The following MYO10 variants were observed in gnomAD, a reference collection of about 807,000 sequenced individuals.
MYO10 encodes the protein unconventional myosin-X.
Under a neutral mutation model 257.3 loss-of-function variants are expected in MYO10, and 133 were observed. The observed-to-expected ratio is 0.52, with a 90% CI of 0.45 to 0.60. MYO10 has a LOEUF of 0.60. MYO10 is among the 20% of genes least tolerant of loss of function. The pLI is 0.00. For missense variants in MYO10, 2,399 were observed against 2,635.7 expected, an observed-to-expected ratio of 0.91 and a Z score of 1.97; for synonymous variants, 1,104 against 1,028.6, an observed-to-expected ratio of 1.07 and a Z score of -1.40.
intron 33 of MYO10, among the ~76,000 whole-genome samples, chr5:16,677,896 G>C (rs570273768): frequency 6.6e-6 from 1 of 152,122 alleles, no homozygotes; most frequent in Admixed American, 6.6e-5. Flanking sequence ...AAGTAGCTGG[G>C]ACTACAGGCA....
Position 16,694,550 on chromosome 5 carries a change from G to A in MYO10, c.3621C>T (p.Phe1207=). 5.6e-6 allele frequency: 9 copies of A among 1,613,986 alleles called. No individual in the cohort carries two copies. Among genetic ancestry groups the A allele is most frequent in the African/African-American group, 1.3e-5 (1 of 75,046 alleles). Residue 1207 remains phenylalanine, a synonymous_variant, in exon 27 of 41, where the codon TTC becomes TTT. Transcript: ENST00000513610. The part of the protein sequence containing the change: ...CVLKDETFLW[F]RSKQEALKQG... ...GCTTGAGGGCCTCCTGCTTGGAGCG[G>A]AACCACAAGAAGGTTTCATCCTTGA...
chr5:16,883,162 G>T (rs1026074355), intron 1 of MYO10, among the ~76,000 whole-genome samples: 1 of 151,978 alleles, frequency 6.6e-6, no homozygotes, highest in Non-Finnish European at 1.5e-5. Context: ...TGATCCACCC[G>T]CCTCGGCCTC....
chr5:16,851,958 G>A (rs1045726428), intron 2 of MYO10, among the ~76,000 whole-genome samples: 1 of 147,282 alleles, frequency 6.8e-6, no homozygotes, highest in African/African-American at 2.5e-5. Flanking sequence ...GGCTGAGACG[G>A]AAGAATCGCT....
chr5:16,778,723 C>T (rs1222738597), intron 9 of MYO10, among the ~76,000 whole-genome samples: 1 of 133,316 alleles, frequency 7.5e-6, no homozygotes, highest in African/African-American at 2.9e-5. Context: ...GACGGAGTCT[C>T]GCTGTCTCCC....
chr5:16,886,757 C>T (rs1744908210), intron 1 of MYO10, among the ~76,000 whole-genome samples: 1 of 151,918 alleles, frequency 6.6e-6, no homozygotes. Context: ...CATGGTGAAA[C>T]CCCGCCTCTA....
intron 1 of MYO10, among the ~76,000 whole-genome samples, chr5:16,881,977 A>G (rs1744766016): frequency 6.6e-6 from 1 of 152,238 alleles, no homozygotes; most frequent in Non-Finnish European, 1.5e-5. Flanking sequence ...CTTTATAAGC[A>G]GGTGGAACAA....
chr5:16,794,708 G>A lies in MYO10; in HGVS notation c.405C>T (p.Ala135=), dbSNP rs1329691874. The change falls in exon 4 of 41, where the codon GCC becomes GCT. Residue 135 remains alanine, a synonymous_variant. Coordinates refer to ENST00000513610, the MANE Select transcript of MYO10 (RefSeq NM_012334.3). ...GGCAGCGGTAGCACTCGTTGGCGAT[G>A]GCGAAGATGTGCGGGGGCAGCTCGC... ...HLGELPPHIF[A]IANECYRCLW... is the part of the protein sequence containing the mutation. 1.9e-6 allele frequency: 3 copies of A among 1,613,586 alleles called. No individual in the cohort carries two copies. Among genetic ancestry groups the A allele is most frequent in the Non-Finnish European group, 2.5e-6 (3 of 1,179,798 alleles).
chr5:16,765,806 A>AG (rs1740845140), intron 11 of MYO10, among the ~76,000 whole-genome samples: 1 of 152,218 alleles, frequency 6.6e-6, no homozygotes, highest in African/African-American at 2.4e-5. Context: ...AGTAAGTAGA[A>AG]GGGTCAAGTT....
At chr5:16,736,143 C>G (rs1165902561) in intron 19 of MYO10, among the ~76,000 whole-genome samples, 1 of 152,204 alleles carries the variant, frequency 6.6e-6, no homozygotes, top group Non-Finnish European at 1.5e-5. Flanking sequence ...CCCAACCTGC[C>G]TTCTCTATCA....
chr5:16,758,829 A>G (rs1740609747), intron 17 of MYO10, among the ~76,000 whole-genome samples: 2 of 152,318 alleles, frequency 1.3e-5, no homozygotes, highest in South Asian at 4.1e-4. Context: ...AAAGCATGCT[A>G]CCTGGCATAT....
At chr5:16,711,354 A>T in intron 19 of MYO10, 109 bp from the exon 20 acceptor site, 1 of 1,130,280 alleles carries the variant, frequency 8.8e-7, no homozygotes, top group Non-Finnish European at 1.3e-6. Context: ...TTCAAAACAC[A>T]TACGAGAATC....
Position 16,701,067 on chromosome 5 carries a change from A to G in MYO10, c.3328T>C (p.Ser1110Pro). ...GACCACTGGCTGCCGTAGGAGTTGG[A>G]GAAGGTCACGCTGCTGCCGGAAGTG... ...AITSGSSVTF[S>P]NSYGSQWSPD... Residue 1110 changes from serine to proline, a missense_variant, in exon 25 of 41, where the codon TCC (serine) becomes CCC (proline). By Grantham distance (74) the Ser-to-Pro change is moderately conservative. This residue lies in a region of MYO10 where 1,820 missense variants were observed against 1,939.4 expected (regional missense o/e 0.94). Coordinates refer to ENST00000513610, the MANE Select transcript of MYO10 (RefSeq NM_012334.3). The surrounding 1 kb of genome is among the most constrained non-coding windows in gnomAD (Gnocchi z 8.1). 6.4e-7 allele frequency: 1 copy of G among 1,573,388 alleles called. No individual in the cohort carries two copies. The highest frequency in any genetic ancestry group is 8.6e-7 in the Non-Finnish European group (1 of 1,160,098).
intron 33 of MYO10, among the ~76,000 whole-genome samples, 178 bp downstream of exon 33, chr5:16,679,769 C>A (rs894317822): frequency 6.6e-6 from 1 of 152,100 alleles, no homozygotes; most frequent in Non-Finnish European, 1.5e-5. Context: ...AAGTGATCCA[C>A]CTGCCTCAGC....
intron 26 of MYO10, 61 bp from the exon 27 acceptor site, chr5:16,694,675 A>G (rs1737656785): frequency 6.3e-7 from 1 of 1,591,684 alleles, no homozygotes; most frequent in African/African-American, 1.3e-5. Context: ...TTGGATGACA[A>G]CAACATGCAT....
chr5:16,689,847 A>T lies in MYO10; in HGVS notation c.3873T>A (p.Ile1291=), dbSNP rs1308707322. The T allele has an allele frequency of 6.2e-7, 1 of 1,613,506 alleles. No homozygotes were observed. Among genetic ancestry groups the T allele is most frequent in the East Asian group, 2.2e-5 (1 of 44,878 alleles). Reference sequence around the variant, plus strand: ...ACCTGGCATCTTCTGGGGACTCTGCAATCAGGTGGAAAGTCCTATCGGCCA... The same window carrying T: ...ACCTGGCATCTTCTGGGGACTCTGCTATCAGGTGGAAAGTCCTATCGGCCA... ...IIMADRTFHL[I]AESPEDASQW... The change falls in exon 28 of 41, where the codon ATT becomes ATA. Residue 1291 remains isoleucine, a synonymous_variant. Coordinates refer to ENST00000513610, the MANE Select transcript of MYO10 (RefSeq NM_012334.3).
intron 2 of MYO10, among the ~76,000 whole-genome samples, chr5:16,857,381 G>A (rs950469825): frequency 2.0e-5 from 3 of 152,208 alleles, no homozygotes; most frequent in Non-Finnish European, 4.4e-5. Context: ...TATTTTTAAA[G>A]AACATGCTTT....
intron 3 of MYO10, among the ~76,000 whole-genome samples, chr5:16,809,802 C>T (rs1265101719): frequency 6.6e-6 from 1 of 152,108 alleles, no homozygotes; most frequent in Non-Finnish European, 1.5e-5. Flanking sequence ...GCTGTTTGTT[C>T]GGCAAGACAA....
intron 2 of MYO10, among the ~76,000 whole-genome samples, chr5:16,831,024 C>G (rs76845481): frequency 6.6e-6 from 1 of 151,982 alleles, no homozygotes; most frequent in African/African-American, 2.4e-5. Flanking sequence ...TGGGATGTTA[C>G]GCTCTGGTTT....
intron 21 of MYO10, among the ~76,000 whole-genome samples, chr5:16,710,178 G>A (rs965116265): frequency 6.6e-6 from 1 of 152,206 alleles, no homozygotes; most frequent in Non-Finnish European, 1.5e-5. Context: ...TGTGTCCTCA[G>A]CTGCCTGCAT....
Sources: gnomAD v4.1 joint callset for allele counts (sites outside exome capture counted in the v4.1 genomes callset) on GRCh38, gnomAD v4.1.1 for gene constraint, gnomAD v4.1.1 regional missense constraint, Gnocchi (gnomAD v3.1) non-coding constraint, MANE v1.5 for transcripts, NCBI Gene and HGNC (gene_info 2026-07-23, HGNC 2026-07-21) for gene names.